PRKN: variants seen among roughly 807,000 people sequenced by gnomAD.
PRKN encodes E3 ubiquitin-protein ligase parkin.
A neutral mutation model predicts 59.5 loss-of-function variants in PRKN; 56 were observed. That is an observed-to-expected ratio of 0.94 (90% CI 0.76 to 1.18). PRKN has a LOEUF of 1.18. PRKN is among the 50% of genes most tolerant of loss of function. The pLI, the probability that PRKN is intolerant of heterozygous loss-of-function variation, is 0.00. For synonymous variants in PRKN, 250 were observed against 222.1 expected (o/e 1.13, Z -1.12); for missense variants, 657 against 596.4 (o/e 1.10, Z -1.06).
chr6:162,194,870 T>C (rs1024391601), intron 4 of PRKN, among the ~76,000 whole-genome samples: 5 of 152,046 alleles, frequency 3.3e-5, no homozygotes, highest in African/African-American at 7.2e-5. Context: ...TGTGTGTGGA[T>C]GAGAGCCCGT....
chr6:162,538,044 A>G (rs1057365690), intron 1 of PRKN, among the ~76,000 whole-genome samples: 1 of 152,230 alleles, frequency 6.6e-6, no homozygotes, highest in African/African-American at 2.4e-5. Flanking sequence ...AACTGAATAT[A>G]TCTCTTCCAT....
At chr6:162,217,643 C>T (rs1460181143) in intron 3 of PRKN, among the ~76,000 whole-genome samples, 3 of 152,134 alleles carry the variant, frequency 2.0e-5, no homozygotes, top group Admixed American at 1.3e-4. Context: ...CTGCCCACCT[C>T]GCCCTCCCAA....
intron 3 of PRKN, among the ~76,000 whole-genome samples, chr6:162,227,139 TAC>T (rs1554287579): frequency 6.6e-6 from 1 of 152,186 alleles, no homozygotes; most frequent in Non-Finnish European, 1.5e-5. Context: ...GGGACTTGCA[TAC>T]AGTCTTCCGC....
rs563533076 is a variant in PRKN at position 161,445,029 on chromosome 6, T to C, written c.1084-58152A>G. Among the ~76,000 whole-genome samples, 1 of 152,174 alleles carries C rather than the reference T, an allele frequency of 6.6e-6. No homozygotes were observed. The highest frequency in any genetic ancestry group is 1.5e-5 in the Non-Finnish European group (1 of 68,042). Reference sequence around the variant, plus strand: ...TTTTAATCTCTAGGTAACCAACCCCTGCCTACATTTTACTCTGGATTCCAA... The same window carrying C: ...TTTTAATCTCTAGGTAACCAACCCCCGCCTACATTTTACTCTGGATTCCAA... On this transcript the variant is annotated intron_variant, in intron 9 of 11. Coordinates refer to ENST00000366898, the MANE Select transcript of PRKN (RefSeq NM_004562.3). This position sits in a 1 kb window ranked among gnomAD's most constrained non-coding sequence, Gnocchi z 7.7.
chr6:162,463,521 A>G (rs1791268797), intron 1 of PRKN, among the ~76,000 whole-genome samples: 1 of 152,156 alleles, frequency 6.6e-6, no homozygotes, highest in Non-Finnish European at 1.5e-5. Context: ...TGTCTGTCAT[A>G]AAAGATTCGG....
chr6:162,460,729 T>C lies in PRKN; in HGVS notation c.8-17256A>G, dbSNP rs369128714. ...CATCTATTAGAGAAAACTGTAATCA[T>C]GAGAAGAAACTTACAAAATTTGTAA... is the stretch of plus-strand genomic sequence containing the variant. On this transcript the variant is annotated intron_variant, in intron 1 of 11. Transcript: ENST00000366898. Among the ~76,000 whole-genome samples the C allele has an allele frequency of 6.6e-5, 10 of 152,316 alleles. No homozygotes were observed. In the East Asian group the frequency reaches 1.4e-3, roughly 21 times the overall value.
intron 6 of PRKN, among the ~76,000 whole-genome samples, chr6:161,818,839 T>A (rs9458389): frequency 0.038 from 5,773 of 152,098 alleles, 383 homozygotes; most frequent in African/African-American, 0.13. Context: ...ACTGGAGAAG[T>A]CTTTGAATGT....
chr6:162,617,390 C>T (rs577970744), intron 1 of PRKN, among the ~76,000 whole-genome samples: 64 of 152,238 alleles, frequency 4.2e-4, no homozygotes, highest in South Asian at 3.7e-3. Context: ...TGCCAGCACA[C>T]CTGGCTAATT....
intron 4 of PRKN, among the ~76,000 whole-genome samples, chr6:162,110,729 C>T (rs1033345532): frequency 1.6e-4 from 25 of 152,136 alleles, no homozygotes; most frequent in African/African-American, 5.1e-4. Flanking sequence ...ATGAAACTCA[C>T]AAGGGAGAGA....
At chr6:162,095,744 G>T (rs576578329) in intron 4 of PRKN, among the ~76,000 whole-genome samples, 2 of 152,228 alleles carry the variant, frequency 1.3e-5, no homozygotes, top group East Asian at 3.9e-4. Flanking sequence ...GAATGGTTTG[G>T]TATCAAGAAC....
chr6:161,810,163 T>G (rs1393820498), intron 6 of PRKN, among the ~76,000 whole-genome samples: 1 of 152,118 alleles, frequency 6.6e-6, no homozygotes, highest in Non-Finnish European at 1.5e-5. Flanking sequence ...TCAACATGAC[T>G]GGAGTCCTTA....
chr6:162,287,966 C>G (rs775028577), intron 2 of PRKN, among the ~76,000 whole-genome samples: 1 of 152,146 alleles, frequency 6.6e-6, no homozygotes, highest in Non-Finnish European at 1.5e-5. Context: ...GGGCTTGGGG[C>G]TCCATGACCC....
At chr6:161,383,513 G>A (rs780965318) in intron 10 of PRKN, among the ~76,000 whole-genome samples, 1 of 152,198 alleles carries the variant, frequency 6.6e-6, no homozygotes, top group African/African-American at 2.4e-5. Flanking sequence ...GCAAGAGATC[G>A]GATGGCAGGA....
intron 5 of PRKN, among the ~76,000 whole-genome samples, chr6:161,995,482 G>A (rs1781807293): frequency 1.3e-5 from 2 of 151,856 alleles, no homozygotes; most frequent in South Asian, 4.2e-4. Context: ...CTGTAGAATG[G>A]GAGAAAATAT....
At chr6:162,344,910 C>T (rs1784332590) in intron 2 of PRKN, among the ~76,000 whole-genome samples, 1 of 152,196 alleles carries the variant, frequency 6.6e-6, no homozygotes, top group African/African-American at 2.4e-5. Flanking sequence ...TTTCACTGTG[C>T]TTTAACAAAA....
intron 4 of PRKN, among the ~76,000 whole-genome samples, chr6:162,137,265 G>A (rs1035201219): frequency 7.9e-5 from 12 of 152,126 alleles, no homozygotes; most frequent in African/African-American, 2.7e-4. Flanking sequence ...AACAAGTCTG[G>A]ACTGAAATCA....
chr6:162,609,838 A>C (rs1283526478), intron 1 of PRKN, among the ~76,000 whole-genome samples: 2 of 152,236 alleles, frequency 1.3e-5, no homozygotes, highest in Non-Finnish European at 2.9e-5. Flanking sequence ...CAATACCCTA[A>C]GACAGAATAA....
intron 1 of PRKN, among the ~76,000 whole-genome samples, chr6:162,710,407 AC>A (rs1384113500): frequency 8.6e-5 from 13 of 150,732 alleles, no homozygotes; most frequent in African/African-American, 3.0e-4. Context: ...ACACACACAC[AC>A]ACACACAACT....
At chr6:162,521,737 T>C (rs1345596299) in intron 1 of PRKN, among the ~76,000 whole-genome samples, 4 of 152,118 alleles carry the variant, frequency 2.6e-5, no homozygotes, top group Non-Finnish European at 5.9e-5. Flanking sequence ...TTTATAGTTT[T>C]GTCAACCAAA....
Sources: allele counts gnomAD v4.1 joint callset (sites outside exome capture counted in the v4.1 genomes callset), GRCh38; gene constraint gnomAD v4.1.1; non-coding constraint Gnocchi (gnomAD v3.1); transcripts MANE v1.5; gene names NCBI Gene and HGNC (gene_info 2026-07-23, HGNC 2026-07-21).